The following RIN2 variants were observed in gnomAD, a reference collection of about 807,000 sequenced individuals.
RIN2 encodes the protein RAB5 interacting protein 2.
RIN2 carries 36 observed loss-of-function variants against 78.0 expected under a neutral mutation model. The ratio of observed to expected loss-of-function variants is 0.46; its 90% CI spans 0.35 to 0.61. The LOEUF (loss-of-function observed/expected upper bound fraction) is 0.61, where lower values mean the gene tolerates loss of function less well. RIN2 is among the 20% of genes least tolerant of loss of function. The probability of loss-of-function intolerance (pLI) is 0.00; values close to 1 mark genes in which losing one functional copy is unlikely to be tolerated. For missense variants in RIN2, 1,087 were observed against 1,159.7 expected (o/e 0.94, Z 0.91); for synonymous variants, 466 against 466.8 (o/e 1.00, Z 0.02).
At chr20:19,758,984 C>T (rs1187097918) in intron 1 of RIN2, among the ~76,000 whole-genome samples, 1 of 152,180 alleles carries the variant, frequency 6.6e-6, no homozygotes, top group South Asian at 2.1e-4. Context: ...GGAGGAGGAG[C>T]CCCGGATTCC....
chr20:19,940,911 T>C lies in RIN2; in HGVS notation c.158+5712T>C, dbSNP rs1165968405. Among the ~76,000 whole-genome samples, 4 of 152,184 alleles carry C rather than the reference T, an allele frequency of 2.6e-5. No individual in the cohort carries two copies. In the South Asian group the frequency reaches 6.2e-4, roughly 24 times the overall value. On this transcript the variant is annotated intron_variant, in intron 4 of 12. Coordinates refer to ENST00000255006, the MANE Select transcript of RIN2 (RefSeq NM_018993.4). ...CACAGAACAACCTCCCCAGCTATTG[T>C]CTGGGCCCAGGCTGCCTCTGCAGGA...
intron 4 of RIN2, 127 bp downstream of exon 4, chr20:19,935,326 T>C (rs2040596465): frequency 2.4e-6 from 3 of 1,245,250 alleles, no homozygotes; most frequent in Non-Finnish European, 3.3e-6. Context: ...CAGCTCTAGA[T>C]GAAATCCTCT....
intron 2 of RIN2, among the ~76,000 whole-genome samples, chr20:19,813,400 T>C (rs968736015): frequency 6.6e-5 from 10 of 152,254 alleles, no homozygotes; most frequent in Non-Finnish European, 1.5e-4. Context: ...GCATCAACTA[T>C]TCATTCATTC....
intron 1 of RIN2, among the ~76,000 whole-genome samples, chr20:19,796,086 GAA>G (rs144883717): frequency 8.1e-6 from 1 of 123,222 alleles, no homozygotes; most frequent in African/African-American, 4.8e-5. Context: ...AAAGAGCAAA[GAA>G]AAAAAAGAAA....
intron 1 of RIN2, among the ~76,000 whole-genome samples, chr20:19,785,730 T>G (rs1233851036): frequency 1.3e-5 from 2 of 152,206 alleles, no homozygotes; most frequent in African/African-American, 4.8e-5. Flanking sequence ...CCAGGGAAGA[T>G]CAAGTTGAGT....
chr20:19,899,852 G>A (rs189811950), intron 3 of RIN2, among the ~76,000 whole-genome samples: 192 of 152,298 alleles, frequency 1.3e-3, no homozygotes, highest in Middle Eastern at 6.8e-3. Context: ...CAGTCAATAA[G>A]TCTAGCCTCA....
intron 3 of RIN2, among the ~76,000 whole-genome samples, chr20:19,900,965 A>G (rs900599921): frequency 6.6e-6 from 1 of 151,060 alleles, no homozygotes; most frequent in Admixed American, 6.6e-5. Flanking sequence ...AAAAAAAAAA[A>G]AAAAAAAAGA....
chr20:19,946,483 C>A (rs980253468), intron 4 of RIN2, among the ~76,000 whole-genome samples: 2 of 152,038 alleles, frequency 1.3e-5, no homozygotes, highest in Admixed American at 1.3e-4. Context: ...TTTGAGAGGC[C>A]AAGGTGGGAG....
At chr20:19,999,635 T>TG in intron 12 of RIN2, among the ~76,000 whole-genome samples, 1 of 152,342 alleles carries the variant, frequency 6.6e-6, no homozygotes, top group South Asian at 2.1e-4. Flanking sequence ...CAAAGTTATC[T>TG]GGGGTCACAA....
intron 11 of RIN2, among the ~76,000 whole-genome samples, chr20:19,993,095 T>C (rs74542528): frequency 6.6e-6 from 1 of 152,206 alleles, no homozygotes; most frequent in South Asian, 2.1e-4. Flanking sequence ...ATGGAAATGA[T>C]TAGGATGTTT....
chr20:19,887,675 T>A (rs1427582301), intron 2 of RIN2, among the ~76,000 whole-genome samples: 2 of 152,168 alleles, frequency 1.3e-5, no homozygotes, highest in Non-Finnish European at 2.9e-5. Context: ...GTAGGCAAAA[T>A]TCCCTGTCTG....
At chr20:19,936,693 G>A (rs547736448) in intron 4 of RIN2, among the ~76,000 whole-genome samples, 1 of 152,334 alleles carries the variant, frequency 6.6e-6, no homozygotes, top group South Asian at 2.1e-4. Context: ...GTGGGTATTA[G>A]AGTGAGAGCT....
intron 2 of RIN2, among the ~76,000 whole-genome samples, chr20:19,826,031 A>G (rs2036078722): frequency 6.6e-6 from 1 of 152,238 alleles, no homozygotes. Context: ...AATTCAGTTT[A>G]TAGCATAAAA....
At chr20:19,872,795 A>G (rs2037729100) in intron 2 of RIN2, among the ~76,000 whole-genome samples, 2 of 152,184 alleles carry the variant, frequency 1.3e-5, no homozygotes, top group Non-Finnish European at 2.9e-5. Context: ...GAAACTACAA[A>G]ATGTGGGACG....
At chr20:19,939,328 A>C (rs560792940) in intron 4 of RIN2, among the ~76,000 whole-genome samples, 1 of 152,160 alleles carries the variant, frequency 6.6e-6, no homozygotes, top group Non-Finnish European at 1.5e-5. Context: ...GATTACAGGC[A>C]TGAGCCACCG....
At chr20:19,927,216 T>C (rs141022437) in intron 3 of RIN2, among the ~76,000 whole-genome samples, 22 of 152,346 alleles carry the variant, frequency 1.4e-4, no homozygotes, top group Non-Finnish European at 2.8e-4. Context: ...CTCTGGTTAA[T>C]AACAATTGCC....
At chr20:19,936,879 A>AGAAAAGAAAGAGG (rs1473628981) in intron 4 of RIN2, among the ~76,000 whole-genome samples, 75 of 152,230 alleles carry the variant, frequency 4.9e-4, no homozygotes, top group African/African-American at 1.7e-3. Context: ...TTTTTTTAAC[A>AGAAAAGAAAGAGG]GAAAAGAAAG....
At chr20:19,965,672 C>T (rs1039903719) in intron 7 of RIN2, among the ~76,000 whole-genome samples, 9 of 152,288 alleles carry the variant, frequency 5.9e-5, no homozygotes, top group East Asian at 1.9e-4. Flanking sequence ...AGAGCAGTGG[C>T]GTGATCTTGG....
chr20:19,906,405 T>C (rs1403276475), intron 3 of RIN2, among the ~76,000 whole-genome samples: 2 of 152,140 alleles, frequency 1.3e-5, no homozygotes, highest in African/African-American at 2.4e-5. Context: ...GCTATAATCA[T>C]GCCACTGCAC....
Sources: allele counts gnomAD v4.1 joint callset (sites outside exome capture counted in the v4.1 genomes callset), GRCh38; gene constraint gnomAD v4.1.1; transcripts MANE v1.5; gene names NCBI Gene and HGNC (gene_info 2026-07-23, HGNC 2026-07-21).